HRK: variants seen among roughly 807,000 people sequenced by gnomAD.
The protein encoded by HRK is harakiri, BCL2 interacting protein, also known as activator of apoptosis harakiri.
Under a neutral mutation model 5.9 loss-of-function variants are expected in HRK, and 6 were observed. That is an observed-to-expected ratio of 1.02 (90% CI 0.56 to 2.01). HRK has a LOEUF of 2.01. Among genes scored for constraint, HRK ranks in the 30% most tolerant of loss-of-function variants. The pLI is 0.00. For synonymous variants in HRK, 85 were observed against 65.1 expected (o/e 1.31, Z -1.47); for missense variants, 133 against 128.3 (o/e 1.04, Z -0.18).
At position 116,857,689 on chromosome 12, in the gene HRK, G is replaced by A. The variant is rs1878200765; in HGVS notation, c.*3834C>T. 1.3e-5 allele frequency: 2 copies of A among 152,190 alleles called. No individual in the cohort carries two copies. The highest frequency in any genetic ancestry group is 6.5e-5 in the Admixed American group (1 of 15,268). The allele number at this position is 152,190 out of a possible 1,614,324, so 9.4% of individuals were successfully genotyped here. A position where few individuals can be genotyped will look rare whatever the true frequency, so the allele number is the denominator to read the frequency against. On this transcript the variant is annotated 3_prime_UTR_variant, in exon 2 of 2. Transcript: ENST00000257572. ...ACATACATTGTGAAAACCAGTCACA[G>A]TTTCATTTTTCTGTGACAGTATTGG...
At chr12:116,874,210 T>C (rs1459754083) in intron 1 of HRK, among the ~76,000 whole-genome samples, 1 of 152,206 alleles carries the variant, frequency 6.6e-6, no homozygotes, top group African/African-American at 2.4e-5. Context: ...TCTGCATCCC[T>C]GCATCTGGGC....
In HRK at chr12:116,878,010, G is replaced by A. The variant is rs1319961762; in HGVS notation, c.*56+2966C>T. ...GGCTGACTGTAACCTCCGCCTCCCA[G>A]GTTCAAGCGATTCTCCTGCCTCAGC... is the stretch of plus-strand genomic sequence containing the variant. On this transcript the variant is annotated intron_variant, in intron 1 of 1. Transcript: ENST00000257572. This position sits in a 1 kb window ranked among gnomAD's most constrained non-coding sequence, Gnocchi z 4.4. 5.3e-5 allele frequency among the ~76,000 whole-genome samples: 8 copies of A among 152,158 alleles called. No homozygotes were observed.
chr12:116,871,820 G>C (rs1333880075), intron 1 of HRK, among the ~76,000 whole-genome samples: 1 of 151,608 alleles, frequency 6.6e-6, no homozygotes, highest in Non-Finnish European at 1.5e-5. Flanking sequence ...TTTTAGTAAA[G>C]ATTGGGTCTC....
chr12:116,869,948 T>C (rs1179879704), intron 1 of HRK, among the ~76,000 whole-genome samples: 2 of 152,006 alleles, frequency 1.3e-5, no homozygotes, highest in African/African-American at 2.4e-5. Flanking sequence ...GGCGTGGTGG[T>C]GGGCACCTGT....
rs1303774873 is a variant in HRK at position 116,859,629 on chromosome 12, A to T, written c.*1894T>A. On this transcript the variant is annotated 3_prime_UTR_variant, in exon 2 of 2. Transcript: ENST00000257572. ...AGAAACACGTTCTCCCAAAATAAGC[A>T]TTATTCTTCTTTTTTTTTTTTTGGT... The T allele has an allele frequency of 9.2e-6, 1 of 108,286 alleles. No homozygotes were observed. The highest frequency in any genetic ancestry group is 2.2e-5 in the Non-Finnish European group (1 of 44,892). The allele number at this position is 108,286 out of a possible 1,614,324, so 6.7% of individuals were successfully genotyped here. A position where few individuals can be genotyped will look rare whatever the true frequency, so the allele number is the denominator to read the frequency against.
intron 1 of HRK, 103 bp downstream of exon 1, chr12:116,880,873 G>T: frequency 2.5e-6 from 1 of 395,300 alleles, no homozygotes. Context: ...AAGGAGAAGG[G>T]AAAAGAAGAA....
chr12:116,870,698 G>A (rs1362052910), intron 1 of HRK, among the ~76,000 whole-genome samples: 3 of 152,154 alleles, frequency 2.0e-5, no homozygotes, highest in Non-Finnish European at 4.4e-5. Context: ...AGCTACCGGA[G>A]AGGCAAAGGT....
At chr12:116,869,994 C>G (rs563017821) in intron 1 of HRK, among the ~76,000 whole-genome samples, 1 of 152,110 alleles carries the variant, frequency 6.6e-6, no homozygotes, top group African/African-American at 2.4e-5. Context: ...GCGGAAGAAT[C>G]GCTTGAACCC....
chr12:116,872,617 A>G (rs892284353), intron 1 of HRK, among the ~76,000 whole-genome samples: 1 of 151,686 alleles, frequency 6.6e-6, no homozygotes, highest in Non-Finnish European at 1.5e-5. Flanking sequence ...TCTACAAAAA[A>G]TACAAAAATT....
chr12:116,881,077 CT>C lies in HRK; in HGVS notation c.230del (p.Gln77ArgfsTer37). 1 of 1,348,472 alleles carries C rather than the reference CT, an allele frequency of 7.4e-7. No homozygotes were observed. Among genetic ancestry groups the C allele is most frequent in the South Asian group, 1.9e-5 (1 of 53,900 alleles). The allele number at this position is 1,348,472 out of a possible 1,614,324, so 83.5% of individuals were successfully genotyped here. The stretch of plus-strand genomic sequence containing the variant: ...GCAGCCAGGCCGCCAGCGCCGCCAC[CT>C]GCGCGGCCGCGCACAGCCAAGGCCA... Reference protein sequence around the residue: ...TYWPWLCAAAQVAALAAWLLG... With the variant: ...TYWPWLCAAAXVAALAAWLLG... On this transcript the variant is annotated frameshift_variant, in exon 1 of 2. Transcript: ENST00000257572. LOFTEE classifies it high-confidence loss of function.
At chr12:116,866,579 A>C (rs576811563) in intron 1 of HRK, among the ~76,000 whole-genome samples, 36 of 152,258 alleles carry the variant, frequency 2.4e-4, no homozygotes, top group African/African-American at 7.9e-4. Flanking sequence ...GTGATGTGTG[A>C]GGAAGGAAGA....
At position 116,863,508 on chromosome 12, in the gene HRK, C is replaced by T. The variant is rs114950890; in HGVS notation, c.*57-2042G>A. 2.5e-3 allele frequency among the ~76,000 whole-genome samples: 386 copies of T among 152,294 alleles called. 3 individuals carry two copies. Among genetic ancestry groups the T allele is most frequent in the African/African-American group, 9.0e-3 (375 of 41,568 alleles). On this transcript the variant is annotated intron_variant, in intron 1 of 1. Transcript: ENST00000257572. ...TCGCTGGTTTCCCAAACCCTGCCCA[C>T]GCCTTTGCTGTTGAAGCTGTCCTAA...
chr12:116,869,755 T>C (rs1878678582), intron 1 of HRK: 1 of 152,224 alleles, frequency 6.6e-6, no homozygotes, highest in African/African-American at 2.4e-5. Context: ...CAGTCTCACA[T>C]ATTCTAAGTC....
At chr12:116,864,980 G>A (rs761722238) in intron 1 of HRK, among the ~76,000 whole-genome samples, 19 of 152,140 alleles carry the variant, frequency 1.2e-4, no homozygotes, top group Non-Finnish European at 2.5e-4. Context: ...AGTGATTCAT[G>A]AAATACCTTT....
chr12:116,868,026 GC>G (rs1878607556), intron 1 of HRK, among the ~76,000 whole-genome samples: 1 of 152,112 alleles, frequency 6.6e-6, no homozygotes, highest in African/African-American at 2.4e-5. Flanking sequence ...TTCATCTCCA[GC>G]CTGTTTCTGC....
intron 1 of HRK, among the ~76,000 whole-genome samples, chr12:116,870,594 C>G (rs1294221357): frequency 6.6e-6 from 1 of 152,180 alleles, no homozygotes; most frequent in Non-Finnish European, 1.5e-5. Context: ...AGAAAGACTG[C>G]TTGAGCCCAG....
At chr12:116,872,639 G>T (rs780131319) in intron 1 of HRK, among the ~76,000 whole-genome samples, 2 of 152,094 alleles carry the variant, frequency 1.3e-5, no homozygotes, top group Non-Finnish European at 2.9e-5. Context: ...GCCAGGTGTG[G>T]TGGCGTGCAC....
At chr12:116,870,816 C>T (rs1381466664) in intron 1 of HRK, among the ~76,000 whole-genome samples, 3 of 152,082 alleles carry the variant, frequency 2.0e-5, no homozygotes, top group African/African-American at 4.8e-5. Context: ...AAATAAAGGC[C>T]AATGACATGA....
At chr12:116,874,046 A>T (rs576406300) in intron 1 of HRK, among the ~76,000 whole-genome samples, 19 of 152,240 alleles carry the variant, frequency 1.2e-4, no homozygotes, top group Admixed American at 5.9e-4. Context: ...AGTGGGCATG[A>T]GTGAGTTGGT....
Sources: allele counts gnomAD v4.1 joint callset (sites outside exome capture counted in the v4.1 genomes callset), GRCh38; gene constraint gnomAD v4.1.1; non-coding constraint Gnocchi (gnomAD v3.1); transcripts MANE v1.5; gene names NCBI Gene and HGNC (gene_info 2026-07-23, HGNC 2026-07-21).